MTPN: variants seen among roughly 807,000 people sequenced by gnomAD.
MTPN encodes myotrophin, also known as granule cell differentiation protein.
In MTPN, 2 loss-of-function variants were observed where a neutral mutation model predicts 13.5. The observed-to-expected ratio is 0.15, with a 90% CI of 0.06 to 0.47. MTPN has a LOEUF of 0.47. MTPN is among the 20% of genes least tolerant of loss of function. MTPN has a pLI of 0.97. For synonymous variants in MTPN, 46 were observed against 51.7 expected, an observed-to-expected ratio of 0.89 and a Z score of 0.48; for missense variants, 79 against 137.9, an observed-to-expected ratio of 0.57 and a Z score of 2.14.
intron 1 of MTPN, 76 bp downstream of exon 1, chr7:135,976,953 C>G: frequency 8.8e-7 from 1 of 1,141,434 alleles, no homozygotes; most frequent in South Asian, 1.2e-5. Flanking sequence ...CCCCGCAGTC[C>G]AGCTCCCATC....
intron 1 of MTPN, among the ~76,000 whole-genome samples, chr7:135,959,621 A>G (rs547995435): frequency 6.6e-6 from 1 of 152,298 alleles, no homozygotes; most frequent in Admixed American, 6.5e-5. Context: ...TCCAGAGAAG[A>G]GAAATTAAAT....
At position 135,951,617 on chromosome 7, in the gene MTPN, T is replaced by C. The variant is rs1262737865; in HGVS notation, c.86A>G (p.Asn29Ser). The change falls in exon 2 of 4, where the codon AAC becomes AGC. Residue 29 changes from asparagine (N) to serine (S), a missense_variant. Physicochemically the swap from Asn to Ser is conservative, Grantham distance 46. Coordinates refer to ENST00000393085, the MANE Select transcript of MTPN (RefSeq NM_145808.4). Reference protein sequence around the residue: ...KDYVAKGEDVNRTLEGGRKPL... With the variant: ...KDYVAKGEDVSRTLEGGRKPL... Reference sequence around the variant, plus strand: ...TTTCCTTCCACCTTCTAGTGTCCGGTTGACATCTTCTCCCTGATAAGAAAA... The same window carrying C: ...TTTCCTTCCACCTTCTAGTGTCCGGCTGACATCTTCTCCCTGATAAGAAAA... 2.5e-6 allele frequency: 4 copies of C among 1,609,710 alleles called. No homozygotes were observed. The highest frequency in any genetic ancestry group is 1.3e-5 in the African/African-American group (1 of 74,826).
At position 135,977,277 on chromosome 7, in the gene MTPN, G is replaced by A. The variant is rs965415597; in HGVS notation, c.-177C>T. The A allele has an allele frequency of 1.5e-6, 1 of 647,384 alleles. No homozygotes were observed. The highest frequency in any genetic ancestry group is 2.7e-6 in the Non-Finnish European group (1 of 368,330). 40.1% of individuals were successfully genotyped at this position (647,384 alleles called of 1,614,324 possible). A position where few individuals can be genotyped will look rare whatever the true frequency, so the allele number is the denominator to read the frequency against. The stretch of plus-strand genomic sequence containing the variant: ...AGTTGGCCGCGGCGACCGTTCGGGC[G>A]GGAGAAAGAAAGTTCTTTTGCGGCC... On this transcript the variant is annotated 5_prime_UTR_variant, in exon 1 of 4. Transcript: ENST00000393085.
At chr7:135,954,417 T>C (rs1255164924) in intron 1 of MTPN, among the ~76,000 whole-genome samples, 2 of 152,248 alleles carry the variant, frequency 1.3e-5, no homozygotes. Flanking sequence ...AAGGGCGAAC[T>C]AGCATACCAC....
In MTPN at chr7:135,939,337, G is replaced by A. The variant is rs554689831; in HGVS notation, c.271-9325C>T. ...GGCAGCTGGTGCCCTGGAGATCACA[G>A]GTCAGTACTGTAGCTCACTCAGCAT... is the stretch of plus-strand genomic sequence containing the variant. On this transcript the variant is annotated intron_variant, in intron 3 of 3. Transcript: ENST00000393085. 7.9e-5 allele frequency among the ~76,000 whole-genome samples: 12 copies of A among 152,172 alleles called. 1 individual carries two copies. The highest frequency in any genetic ancestry group is 1.3e-4 in the Non-Finnish European group (9 of 67,996).
At chr7:135,951,965 A>T (rs1192964884) in intron 1 of MTPN, among the ~76,000 whole-genome samples, 2 of 152,256 alleles carry the variant, frequency 1.3e-5, no homozygotes, top group Non-Finnish European at 2.9e-5. Context: ...TCAAGCACTG[A>T]GATTTTACAC....
intron 3 of MTPN, among the ~76,000 whole-genome samples, chr7:135,935,377 T>C (rs1799100039): frequency 6.6e-6 from 1 of 152,136 alleles, no homozygotes; most frequent in African/African-American, 2.4e-5. Context: ...TAGCTGGGAT[T>C]ACAGGTGCAT....
chr7:135,943,536 A>G (rs1799244282), intron 3 of MTPN, among the ~76,000 whole-genome samples: 1 of 152,208 alleles, frequency 6.6e-6, no homozygotes, highest in Non-Finnish European at 1.5e-5. Flanking sequence ...CAGCAGACTG[A>G]ATTTCAGTAT....
chr7:135,967,908 C>T (rs2116404367), intron 1 of MTPN, among the ~76,000 whole-genome samples: 1 of 152,264 alleles, frequency 6.6e-6, no homozygotes, highest in South Asian at 2.1e-4. Context: ...CCCTAAAGGA[C>T]AGTGCCATAA....
intron 3 of MTPN, among the ~76,000 whole-genome samples, chr7:135,949,187 C>T (rs1337425222): frequency 6.6e-6 from 1 of 152,214 alleles, no homozygotes; most frequent in Non-Finnish European, 1.5e-5. Flanking sequence ...ACTTGCAAGA[C>T]AGAGTCCTAA....
intron 1 of MTPN, among the ~76,000 whole-genome samples, chr7:135,960,330 C>T (rs1194343068): frequency 6.6e-6 from 1 of 152,030 alleles, no homozygotes; most frequent in Non-Finnish European, 1.5e-5. Context: ...TTTCTCTTTT[C>T]CAGTCTTCAT....
chr7:135,960,796 C>T (rs1218082451), intron 1 of MTPN: 1 of 151,220 alleles, frequency 6.6e-6, no homozygotes, highest in Non-Finnish European at 1.5e-5. Context: ...ATTCATGAAA[C>T]AGTCCATATT....
intron 3 of MTPN, among the ~76,000 whole-genome samples, chr7:135,940,025 T>C (rs1799184366): frequency 6.6e-6 from 1 of 152,204 alleles, no homozygotes; most frequent in Non-Finnish European, 1.5e-5. Flanking sequence ...ACTGTATCAT[T>C]AGAAAGAATA....
intron 1 of MTPN, among the ~76,000 whole-genome samples, chr7:135,956,040 C>T (rs1211278746): frequency 6.6e-6 from 1 of 152,114 alleles, no homozygotes; most frequent in Non-Finnish European, 1.5e-5. Flanking sequence ...CGGTTCTAAT[C>T]AGTACAACCA....
At chr7:135,934,053 T>C (rs1799072900) in intron 3 of MTPN, among the ~76,000 whole-genome samples, 1 of 152,170 alleles carries the variant, frequency 6.6e-6, no homozygotes. Context: ...ATGCCTCTTG[T>C]ACAGCGTGAG....
chr7:135,944,076 T>C (rs771331759), intron 3 of MTPN, among the ~76,000 whole-genome samples: 8 of 152,186 alleles, frequency 5.3e-5, no homozygotes, highest in Non-Finnish European at 1.2e-4. Context: ...TAGCAGTATA[T>C]ACCATGTAAG....
intron 1 of MTPN, among the ~76,000 whole-genome samples, chr7:135,971,511 G>A (rs1799693424): frequency 6.6e-6 from 1 of 152,194 alleles, no homozygotes; most frequent in Non-Finnish European, 1.5e-5. Flanking sequence ...TGCTGAAGTA[G>A]TTAACAGCAT....
intron 1 of MTPN, among the ~76,000 whole-genome samples, chr7:135,952,816 C>A (rs1424328375): frequency 6.6e-6 from 1 of 151,990 alleles, no homozygotes; most frequent in African/African-American, 2.4e-5. Context: ...ATAAAATTAG[C>A]CAGGCGTGAT....
intron 1 of MTPN, among the ~76,000 whole-genome samples, chr7:135,976,358 T>C (rs180839492): frequency 4.8e-4 from 73 of 152,362 alleles, no homozygotes; most frequent in Admixed American, 7.8e-4. Context: ...GAAGTTAACA[T>C]GCTTGTTTAA....
Sources: gnomAD v4.1 joint callset for allele counts (sites outside exome capture counted in the v4.1 genomes callset) on GRCh38, gnomAD v4.1.1 for gene constraint, MANE v1.5 for transcripts, NCBI Gene and HGNC (gene_info 2026-07-23, HGNC 2026-07-21) for gene names.